The following RBFOX1 variants were observed in gnomAD, a reference collection of about 807,000 sequenced individuals.
RBFOX1 encodes the protein RNA binding fox-1 homolog 1.
In RBFOX1, 8 loss-of-function variants were observed where a neutral mutation model predicts 57.7. The ratio of observed to expected loss-of-function variants is 0.14; its 90% CI spans 0.08 to 0.25. The LOEUF is 0.25. Ranked by LOEUF, RBFOX1 falls within the 10% of genes least tolerant of loss-of-function variation. RBFOX1 has a pLI of 1.00. For missense variants in RBFOX1, 611 were observed against 548.5 expected (o/e 1.11, Z -1.14); for synonymous variants, 326 against 222.4 (o/e 1.47, Z -4.15).
intron 1 of RBFOX1, among the ~76,000 whole-genome samples, chr16:6,270,857 A>G (rs1052656839): frequency 6.6e-6 from 1 of 152,214 alleles, no homozygotes; most frequent in Non-Finnish European, 1.5e-5. Flanking sequence ...AGTGACCACA[A>G]TGGAATTGAG....
At chr16:5,560,436 A>G (rs1052216281) in intron 2 of RBFOX1, among the ~76,000 whole-genome samples, 1 of 151,674 alleles carries the variant, frequency 6.6e-6, no homozygotes, top group Non-Finnish European at 1.5e-5. Context: ...TTCTCCCCGC[A>G]CTCCGGTGTT....
intron 2 of RBFOX1, among the ~76,000 whole-genome samples, chr16:5,470,421 TTTGA>T (rs1238428414): frequency 6.6e-6 from 1 of 152,194 alleles, no homozygotes; most frequent in Non-Finnish European, 1.5e-5. Context: ...TTCTGGGTCA[TTTGA>T]TTGCGTTGGT....
chr16:7,698,956 G>T (rs17144619), intron 14 of RBFOX1, among the ~76,000 whole-genome samples: 1 of 152,138 alleles, frequency 6.6e-6, no homozygotes. Context: ...CTGTATCCAT[G>T]CATGCAGAAT....
At chr16:6,971,251 G>A (rs931937159) in intron 3 of RBFOX1, among the ~76,000 whole-genome samples, 4 of 152,110 alleles carry the variant, frequency 2.6e-5, no homozygotes, top group African/African-American at 9.7e-5. Flanking sequence ...TATGGGGATG[G>A]GATTCTTCTG....
chr16:7,185,069 T>C (rs544063934), intron 4 of RBFOX1, among the ~76,000 whole-genome samples: 15 of 152,300 alleles, frequency 9.8e-5, no homozygotes, highest in Admixed American at 8.5e-4. Flanking sequence ...AGTAAGTACA[T>C]GGAGGAATGT....
rs147370103 is a variant in RBFOX1 at position 7,342,420 on chromosome 16, G to A, written c.28-175727G>A. 1.2e-3 allele frequency among the ~76,000 whole-genome samples: 184 copies of A among 152,270 alleles called. 1 individual carries two copies. The highest frequency in any genetic ancestry group is 5.4e-3 in the South Asian group (26 of 4,826). ...ACCCATGGTTTCAACCTGTCTGCGG[G>A]GATGGTCACATCGACTGCAGAAGGG... On this transcript the variant is annotated intron_variant, in intron 4 of 15. Coordinates refer to ENST00000550418, the MANE Select transcript of RBFOX1 (RefSeq NM_018723.4).
rs560056078 is a variant in RBFOX1, at chr16:6,803,037, C to T, written c.-16+148387C>T. Among the ~76,000 whole-genome samples, 10 of 152,302 alleles carry T rather than the reference C, an allele frequency of 6.6e-5. No individual in the cohort carries two copies. The South Asian group carries it at 8.3e-4, about 13-fold the overall frequency. On this transcript the variant is annotated intron_variant, in intron 3 of 15. Transcript: ENST00000550418. ...CCTTGCTACTAGGAAAAGGGACTTA[C>T]TCATTTCCATTGAACTCAAAATGTT...
chr16:6,663,678 A>G (rs967192445), intron 3 of RBFOX1, among the ~76,000 whole-genome samples: 1 of 152,228 alleles, frequency 6.6e-6, no homozygotes, highest in Non-Finnish European at 1.5e-5. Flanking sequence ...TTCTGTTTCC[A>G]ATGTCCTTTG....
chr16:7,569,997 T>C (rs529462826), intron 5 of RBFOX1, among the ~76,000 whole-genome samples: 2 of 152,282 alleles, frequency 1.3e-5, no homozygotes, highest in African/African-American at 4.8e-5. Context: ...TAAATATAAA[T>C]CAAGTATTTC....
In RBFOX1 at chr16:6,856,466, T is replaced by G. The variant is rs534005056; in HGVS notation, c.-15-195591T>G. ...GCAGGACCACCTGAGCCACTGACCTTTAAACCCAGGATATAAAGGTTATCA... is the reference window on the plus strand; with the variant it reads ...GCAGGACCACCTGAGCCACTGACCTGTAAACCCAGGATATAAAGGTTATCA... On this transcript the variant is annotated intron_variant, in intron 3 of 15. Coordinates refer to ENST00000550418, the MANE Select transcript of RBFOX1 (RefSeq NM_018723.4). 3.7e-4 allele frequency among the ~76,000 whole-genome samples: 56 copies of G among 152,196 alleles called. 1 individual carries two copies. Among genetic ancestry groups the G allele is most frequent in the African/African-American group, 1.3e-3 (55 of 41,544 alleles).
chr16:6,208,771 A>G (rs2097272457), intron 1 of RBFOX1, among the ~76,000 whole-genome samples: 1 of 152,182 alleles, frequency 6.6e-6, no homozygotes, highest in Non-Finnish European at 1.5e-5. Flanking sequence ...GTCTGGCCAA[A>G]CACTGCATTC....
At chr16:7,198,593 C>G (rs559002310) in intron 4 of RBFOX1, among the ~76,000 whole-genome samples, 1 of 152,112 alleles carries the variant, frequency 6.6e-6, no homozygotes, top group African/African-American at 2.4e-5. Context: ...CTGGAAAGTC[C>G]AAGAGCATGA....
chr16:7,220,195 T>G (rs1167823781), intron 4 of RBFOX1, among the ~76,000 whole-genome samples: 3 of 152,136 alleles, frequency 2.0e-5, no homozygotes, highest in Non-Finnish European at 4.4e-5. Flanking sequence ...GGAAAATTCT[T>G]GACATTAGCA....
At chr16:6,083,071 G>A (rs1215784094) in intron 1 of RBFOX1, among the ~76,000 whole-genome samples, 2 of 151,548 alleles carry the variant, frequency 1.3e-5, no homozygotes, top group African/African-American at 4.8e-5. Flanking sequence ...GCATGATCTC[G>A]GCTCACTGCA....
chr16:5,816,541 C>T (rs975268934), intron 3 of RBFOX1, among the ~76,000 whole-genome samples: 1 of 152,160 alleles, frequency 6.6e-6, no homozygotes, highest in African/African-American at 2.4e-5. Flanking sequence ...ATGGATCATG[C>T]TTGTAATCCC....
intron 3 of RBFOX1, among the ~76,000 whole-genome samples, chr16:6,699,300 T>C (rs994394572): frequency 5.1e-5 from 5 of 97,794 alleles, no homozygotes; most frequent in Admixed American, 1.1e-4. Context: ...CCTATGTTAC[T>C]TTTTTTTTTT....
chr16:6,652,416 C>G (rs576457453), intron 2 of RBFOX1, among the ~76,000 whole-genome samples: 2 of 151,826 alleles, frequency 1.3e-5, no homozygotes, highest in East Asian at 1.9e-4. Context: ...CCACTGCACT[C>G]CAGTCTGGCG....
At chr16:6,620,497 G>C (rs1355045077) in intron 2 of RBFOX1, among the ~76,000 whole-genome samples, 2 of 151,904 alleles carry the variant, frequency 1.3e-5, no homozygotes, top group Admixed American at 1.3e-4. Context: ...AACCAAAATC[G>C]GAGCTGAACT....
chr16:7,694,165 A>C (rs555183944), intron 14 of RBFOX1, among the ~76,000 whole-genome samples: 3 of 152,334 alleles, frequency 2.0e-5, no homozygotes, highest in South Asian at 2.1e-4. Flanking sequence ...ACTATGACCA[A>C]AACAATCACT....
Sources: allele counts gnomAD v4.1 joint callset (sites outside exome capture counted in the v4.1 genomes callset), GRCh38; gene constraint gnomAD v4.1.1; transcripts MANE v1.5; gene names NCBI Gene and HGNC (gene_info 2026-07-23, HGNC 2026-07-21).